The following CCN4 variants were observed in gnomAD, a reference collection of about 807,000 sequenced individuals.
CCN4 encodes CCN family member 4.
CCN4 carries 30 observed loss-of-function variants against 36.7 expected under a neutral mutation model. The ratio of observed to expected loss-of-function variants is 0.82; its 90% CI spans 0.61 to 1.11. The LOEUF (loss-of-function observed/expected upper bound fraction) is 1.11, where lower values mean the gene tolerates loss of function less well. Among genes scored for constraint, CCN4 ranks in the 50% least tolerant of loss-of-function variants. CCN4 has a pLI of 0.00. For missense variants in CCN4, 505 were observed against 504.9 expected (o/e 1.00, Z 0.00); for synonymous variants, 191 against 195.4 (o/e 0.98, Z 0.19).
chr8:133,220,313 C>T (rs1047811295), intron 2 of CCN4, among the ~76,000 whole-genome samples: 4 of 152,176 alleles, frequency 2.6e-5, no homozygotes, highest in East Asian at 1.9e-4. Flanking sequence ...CCAAGTCCCT[C>T]GGGAGGCTGC....
chr8:133,223,918 C>T (rs1478207696), intron 3 of CCN4, among the ~76,000 whole-genome samples: 3 of 152,146 alleles, frequency 2.0e-5, no homozygotes, highest in Non-Finnish European at 4.4e-5. Flanking sequence ...CTTCTAGATG[C>T]GGGAGATACA....
At chr8:133,226,765 G>T (rs1039000806) in intron 4 of CCN4, among the ~76,000 whole-genome samples, 1 of 152,122 alleles carries the variant, frequency 6.6e-6, no homozygotes, top group Non-Finnish European at 1.5e-5. Context: ...ATACAGCCTA[G>T]ATCTAGCATA....
intron 1 of CCN4, among the ~76,000 whole-genome samples, chr8:133,200,071 T>C (rs1265885772): frequency 6.6e-6 from 1 of 152,166 alleles, no homozygotes; most frequent in Non-Finnish European, 1.5e-5. Context: ...CTTAGGCCAG[T>C]TCTGTTTCTC....
chr8:133,224,236 T>C (rs1854643000), intron 3 of CCN4, among the ~76,000 whole-genome samples: 1 of 117,834 alleles, frequency 8.5e-6, no homozygotes, highest in African/African-American at 2.9e-5. Flanking sequence ...GTCCTTTTTT[T>C]TTTTTTTTTT....
chr8:133,192,084 G>A (rs1436237694), intron 1 of CCN4, among the ~76,000 whole-genome samples: 3 of 152,190 alleles, frequency 2.0e-5, no homozygotes, highest in Non-Finnish European at 4.4e-5. Flanking sequence ...CTGAGCCCCA[G>A]ATTCCACAGC....
chr8:133,198,707 T>C (rs1468113813), intron 1 of CCN4, among the ~76,000 whole-genome samples: 1 of 152,220 alleles, frequency 6.6e-6, no homozygotes, highest in Non-Finnish European at 1.5e-5. Flanking sequence ...CATGGGTTCT[T>C]GTTCTTGCCC....
intron 2 of CCN4, among the ~76,000 whole-genome samples, chr8:133,218,321 T>C (rs1468942403): frequency 6.6e-6 from 1 of 152,148 alleles, no homozygotes; most frequent in Non-Finnish European, 1.5e-5. Flanking sequence ...CTTTCCTTTC[T>C]GCACCTCCTG....
At chr8:133,224,450 G>A (rs967854692) in intron 3 of CCN4, among the ~76,000 whole-genome samples, 1 of 151,582 alleles carries the variant, frequency 6.6e-6, no homozygotes, top group Admixed American at 6.6e-5. Flanking sequence ...ATGTTAGCTA[G>A]GCTAGTCTCA....
chr8:133,194,351 TG>T (rs1853235800), intron 1 of CCN4, among the ~76,000 whole-genome samples: 1 of 18,004 alleles, frequency 5.6e-5, no homozygotes. Context: ...TGTGGGGGGG[TG>T]GTGGTGTGTG....
intron 4 of CCN4, among the ~76,000 whole-genome samples, 193 bp from the exon 5 acceptor site, chr8:133,227,218 C>A (rs1854768319): frequency 6.6e-6 from 1 of 152,162 alleles, no homozygotes; most frequent in South Asian, 2.1e-4. Flanking sequence ...TGTGGTCCTC[C>A]ATTTACCCCT....
At chr8:133,207,994 G>GCTTTTTTT (rs1853842963) in intron 1 of CCN4, among the ~76,000 whole-genome samples, 1 of 141,666 alleles carries the variant, frequency 7.1e-6, no homozygotes, top group Admixed American at 7.0e-5. Flanking sequence ...CCTTTCAGCT[G>GCTTTTTTT]TTTTTTTTTT....
At chr8:133,209,078 T>G (rs923637599) in intron 1 of CCN4, among the ~76,000 whole-genome samples, 2 of 152,202 alleles carry the variant, frequency 1.3e-5, no homozygotes, top group Non-Finnish European at 2.9e-5. Flanking sequence ...TAGTAGGGAT[T>G]CAATAATCCT....
intron 3 of CCN4, among the ~76,000 whole-genome samples, chr8:133,224,199 C>G (rs1383451942): frequency 2.8e-5 from 4 of 144,036 alleles, no homozygotes; most frequent in Non-Finnish European, 6.0e-5. Flanking sequence ...CAGTTGAACC[C>G]TGGTGATTTG....
At position 133,209,498 on chromosome 8, in the gene CCN4, G is replaced by A. The variant is rs150647984; in HGVS notation, c.70-3366G>A. Among the ~76,000 whole-genome samples the A allele has an allele frequency of 3.9e-3, 596 of 152,324 alleles. 3 individuals are homozygous for A. Among genetic ancestry groups the A allele is most frequent in the African/African-American group, 0.014 (565 of 41,574 alleles). ...ACTGCCCACAGCCCTTCCCTCCTCT[G>A]CCCAGGGATGCCATAAATGGTTCCC... On this transcript the variant is annotated intron_variant, in intron 1 of 4. Transcript: ENST00000250160.
At position 133,220,738 on chromosome 8, in the gene CCN4, C is replaced by T. The variant is rs1440111011; in HGVS notation, c.507C>T (p.His169=). 1 of 1,613,474 alleles carries T rather than the reference C, an allele frequency of 6.2e-7. No homozygotes were observed. Among genetic ancestry groups the T allele is most frequent in the Admixed American group, 1.7e-5 (1 of 59,998 alleles). ...GCCCCCCGCGTCTCTGGTGCCCCCA[C>T]CCGCGGCGCGTGAGCATACCTGGCC... ...RVRPPRLWCP[H]PRRVSIPGHC... Residue 169 remains histidine (H), a synonymous_variant, in exon 3 of 5, where the codon CAC becomes CAT. Coordinates refer to ENST00000250160, the MANE Select transcript of CCN4 (RefSeq NM_003882.4).
In CCN4 at chr8:133,219,196, T is replaced by C. The variant is rs565221917; in HGVS notation, c.350-1385T>C. Among the ~76,000 whole-genome samples, 5 of 152,356 alleles carry C rather than the reference T, an allele frequency of 3.3e-5. No individual in the cohort carries two copies. The South Asian group carries it at 1.0e-3, about 32-fold the overall frequency. ...GCAGTTGCTTACTGAGCACCTACTA[T>C]GTGCTAGGCTCTAACAGCTTTGCAC... On this transcript the variant is annotated intron_variant, in intron 2 of 4. Transcript: ENST00000250160.
intron 2 of CCN4, among the ~76,000 whole-genome samples, chr8:133,216,008 AAC>A (rs1014390283): frequency 1.2e-4 from 18 of 148,066 alleles, no homozygotes; most frequent in Non-Finnish European, 2.1e-4. Context: ...CACACACACA[AAC>A]ACACAGTTAT....
intron 1 of CCN4, among the ~76,000 whole-genome samples, chr8:133,195,795 G>C (rs569233938): frequency 6.6e-6 from 1 of 152,306 alleles, no homozygotes; most frequent in South Asian, 2.1e-4. Flanking sequence ...TTTAGAAAAG[G>C]CTCCGGCCCT....
At chr8:133,191,659 T>C (rs1194455901) in intron 1 of CCN4, among the ~76,000 whole-genome samples, 1 of 152,090 alleles carries the variant, frequency 6.6e-6, no homozygotes, top group Non-Finnish European at 1.5e-5. Context: ...ACTCCAAGCA[T>C]TGGAGATGCT....
Sources: gnomAD v4.1 joint callset for allele counts (sites outside exome capture counted in the v4.1 genomes callset) on GRCh38, gnomAD v4.1.1 for gene constraint, MANE v1.5 for transcripts, NCBI Gene and HGNC (gene_info 2026-07-23, HGNC 2026-07-21) for gene names.